Variants in ADH1B observed in about 807,000 individuals in gnomAD.
ADH1B encodes alcohol dehydrogenase 1B (class I), beta polypeptide.
In ADH1B, 29 loss-of-function variants were observed where a neutral mutation model predicts 34.6. The observed-to-expected ratio is 0.84, with a 90% CI of 0.62 to 1.14. The LOEUF is 1.14. Among genes scored for constraint, ADH1B ranks in the 50% most tolerant of loss-of-function variants. The probability of loss-of-function intolerance (pLI) is 0.00; values close to 1 mark genes in which losing one functional copy is unlikely to be tolerated. For missense variants in ADH1B, 424 were observed against 468.4 expected (o/e 0.91, Z 0.87); for synonymous variants, 170 against 175.5 (o/e 0.97, Z 0.25).
intron 3 of ADH1B, chr4:99,317,406 A>G (rs1733913704): frequency 6.6e-6 from 1 of 152,236 alleles, no homozygotes; most frequent in Non-Finnish European, 1.5e-5. Flanking sequence ...ATCTGTAACC[A>G]GTTGCATTTA....
intron 7 of ADH1B, 72 bp from the exon 8 acceptor site, chr4:99,310,975 A>G: frequency 6.4e-7 from 1 of 1,560,638 alleles, no homozygotes; most frequent in East Asian, 2.2e-5. Context: ...GATTTTCCAA[A>G]TAAATCAAAG....
rs1004626998 is a variant in ADH1B, at chr4:99,305,841, C to T, written c.*1999G>A. The T allele has an allele frequency of 6.6e-6, 1 of 151,648 alleles. No homozygotes were observed. Among genetic ancestry groups the T allele is most frequent in the Non-Finnish European group, 1.5e-5 (1 of 67,962 alleles). The allele number at this position is 151,648 out of a possible 1,614,324, so 9.4% of individuals were successfully genotyped here. A position where few individuals can be genotyped will look rare whatever the true frequency, so the allele number is the denominator to read the frequency against. ...GTGTCACTAGCAGGATTTGATGACC[C>T]TGCTGTGAGATGGGCATGTAGAACT... On this transcript the variant is annotated 3_prime_UTR_variant, in exon 9 of 9. Transcript: ENST00000305046.
In ADH1B at chr4:99,305,566, T is replaced by C. The variant is rs1247607762; in HGVS notation, c.*2274A>G. 19 of 19,716 alleles carry C rather than the reference T, an allele frequency of 9.6e-4. No individual in the cohort carries two copies. Among genetic ancestry groups the C allele is most frequent in the African/African-American group, 4.5e-3 (19 of 4,244 alleles). 1.2% of individuals were successfully genotyped at this position (19,716 alleles called of 1,614,324 possible). A position where few individuals can be genotyped will look rare whatever the true frequency, so the allele number is the denominator to read the frequency against. On this transcript the variant is annotated 3_prime_UTR_variant, in exon 9 of 9. Transcript: ENST00000305046. ...TGAACCACTTGCCCCATAGTGTATATATATATATATATATATATATATATA... is the reference window on the plus strand; with the variant it reads ...TGAACCACTTGCCCCATAGTGTATACATATATATATATATATATATATATA...
At position 99,318,827 on chromosome 4, in the gene ADH1B, A is replaced by G; in HGVS notation, c.78T>C (p.Asp26=). The change falls in exon 2 of 9, where the codon GAT becomes GAC. Residue 26 remains aspartate, a synonymous_variant. Transcript: ENST00000305046. ...AAGCCTTAGGAGGTGCAACCTCCAC[A>G]TCCTCAATGGAAAAGGGTTTCTTTA... ...WEVKKPFSIE[D]VEVAPPKAYE... 1 of 1,613,970 alleles carries G rather than the reference A, an allele frequency of 6.2e-7. No homozygotes were observed. The highest frequency in any genetic ancestry group is 8.5e-7 in the Non-Finnish European group (1 of 1,179,904).
chr4:99,305,461 C>G lies in ADH1B; in HGVS notation c.*2379G>C, dbSNP rs1579504758. 7.0e-6 allele frequency: 1 copy of G among 143,368 alleles called. No homozygotes were observed. The highest frequency in any genetic ancestry group is 7.2e-5 in the Admixed American group (1 of 13,866). 8.9% of individuals were successfully genotyped at this position (143,368 alleles called of 1,614,324 possible). ...CCTATGAAGGCACTTCTGTGGAATACTTGATTACAGACCCAGCCAATACTT... is the reference window on the plus strand; with the variant it reads ...CCTATGAAGGCACTTCTGTGGAATAGTTGATTACAGACCCAGCCAATACTT... On this transcript the variant is annotated 3_prime_UTR_variant, in exon 9 of 9. Transcript: ENST00000305046.
chr4:99,308,415 GAT>G (rs1416884135), intron 8 of ADH1B, among the ~76,000 whole-genome samples: 4 of 137,734 alleles, frequency 2.9e-5, no homozygotes, highest in African/African-American at 1.4e-4. Flanking sequence ...AAAATTATAA[GAT>G]GATGGATAAC....
rs1733597830 is a variant in ADH1B at position 99,305,748 on chromosome 4, A to G, written c.*2092T>C. On this transcript the variant is annotated 3_prime_UTR_variant, in exon 9 of 9. Transcript: ENST00000305046. The stretch of plus-strand genomic sequence containing the variant: ...ATGACAACACTGGCAGAGCCCACCT[A>G]ATGGCTCCCACTCTACCTGCTCCCC... 6.6e-6 allele frequency: 1 copy of G among 151,334 alleles called. No individual in the cohort carries two copies. Among genetic ancestry groups the G allele is most frequent in the Non-Finnish European group, 1.5e-5 (1 of 67,842 alleles). 9.4% of individuals were successfully genotyped at this position (151,334 alleles called of 1,614,324 possible). A position where few individuals can be genotyped will look rare whatever the true frequency, so the allele number is the denominator to read the frequency against.
In ADH1B at chr4:99,306,960, T is replaced by G. The variant is rs1387467737; in HGVS notation, c.*880A>C. On this transcript the variant is annotated 3_prime_UTR_variant, in exon 9 of 9. Coordinates refer to ENST00000305046, the MANE Select transcript of ADH1B (RefSeq NM_000668.6). ...TGCATTCACAGCATTTGCCATCCCA[T>G]CTCTACACTTAAAGCCACCATATTA... 6.6e-6 allele frequency: 1 copy of G among 152,110 alleles called. No individual in the cohort carries two copies. Among genetic ancestry groups the G allele is most frequent in the Non-Finnish European group, 1.5e-5 (1 of 68,004 alleles). 9.4% of individuals were successfully genotyped at this position (152,110 alleles called of 1,614,324 possible). A position where few individuals can be genotyped will look rare whatever the true frequency, so the allele number is the denominator to read the frequency against.
At chr4:99,311,086 A>G (rs560134808) in intron 7 of ADH1B, among the ~76,000 whole-genome samples, 183 bp from the exon 8 acceptor site, 2 of 152,352 alleles carry the variant, frequency 1.3e-5, no homozygotes, top group South Asian at 4.1e-4. Context: ...AAAAAATCAC[A>G]GATAAACGAA....
chr4:99,318,889 A>G lies in ADH1B; in HGVS notation c.19-3T>C. On this transcript the variant is annotated splice_polypyrimidine_tract_variant and splice_region_variant and intron_variant, in intron 1 of 8. Transcript: ENST00000305046. The stretch of plus-strand genomic sequence containing the variant: ...ACAGCTGCTTTGCATTTGATTACCT[A>G]GAAAATCAAACAGAGAGATGGTGAC... 1 of 1,612,454 alleles carries G rather than the reference A, an allele frequency of 6.2e-7. No homozygotes were observed. The highest frequency in any genetic ancestry group is 8.5e-7 in the Non-Finnish European group (1 of 1,178,526).
chr4:99,318,685 T>C (rs1333496244), intron 2 of ADH1B, 100 bp downstream of exon 2: 16 of 1,097,082 alleles, frequency 1.5e-5, no homozygotes, highest in African/African-American at 3.2e-5. Flanking sequence ...TGGGTGATCA[T>C]ATAAGATATG....
rs1335431604 is a variant in ADH1B, at chr4:99,305,151, T to C, written c.*2689A>G. On this transcript the variant is annotated 3_prime_UTR_variant, in exon 9 of 9. Coordinates refer to ENST00000305046, the MANE Select transcript of ADH1B (RefSeq NM_000668.6). ...ATTTTAGAAATATCTTTTTTTTTGG[T>C]CAATCATATATGACCCAAATCAATA... 1 of 151,930 alleles carries C rather than the reference T, an allele frequency of 6.6e-6. No individual in the cohort carries two copies. The highest frequency in any genetic ancestry group is 1.5e-5 in the Non-Finnish European group (1 of 67,996). 9.4% of individuals were successfully genotyped at this position (151,930 alleles called of 1,614,324 possible). A position where few individuals can be genotyped will look rare whatever the true frequency, so the allele number is the denominator to read the frequency against.
intron 1 of ADH1B, 114 bp from the exon 2 acceptor site, chr4:99,319,000 G>A (rs769068976): frequency 8.9e-7 from 1 of 1,122,788 alleles, no homozygotes; most frequent in African/African-American, 1.5e-5. Context: ...TACCTAACAA[G>A]TGCTCCATGG....
At chr4:99,315,494 G>A (rs1189781754) in intron 5 of ADH1B, 3 of 271,522 alleles carry the variant, frequency 1.1e-5, no homozygotes, top group African/African-American at 6.7e-5. Flanking sequence ...TGGGAGGAGA[G>A]GATCCACAGA....
rs753286056 is a variant in ADH1B, at chr4:99,316,198, G to C, written c.347+17C>G. On this transcript the variant is annotated intron_variant, in intron 4 of 8. Coordinates refer to ENST00000305046, the MANE Select transcript of ADH1B (RefSeq NM_000668.6). Reference sequence around the variant, plus strand: ...TGCAAACTCAAAGTCTGTGCAAAGAGAGCATCAGAAACCTACTCATTTTTC... The same window carrying C: ...TGCAAACTCAAAGTCTGTGCAAAGACAGCATCAGAAACCTACTCATTTTTC... 13 of 1,613,964 alleles carry C rather than the reference G, an allele frequency of 8.1e-6. No homozygotes were observed. In the South Asian group the frequency reaches 1.4e-4, roughly 18 times the overall value.
chr4:99,311,828 G>T (rs1733762202), intron 6 of ADH1B, among the ~76,000 whole-genome samples, 172 bp from the exon 7 acceptor site: 1 of 152,166 alleles, frequency 6.6e-6, no homozygotes, highest in African/African-American at 2.4e-5. Context: ...GTGGATTCAG[G>T]AAATGCCCAG....
Position 99,307,646 on chromosome 4 carries a change from A to T in ADH1B, c.*194T>A. On this transcript the variant is annotated 3_prime_UTR_variant, in exon 9 of 9. Coordinates refer to ENST00000305046, the MANE Select transcript of ADH1B (RefSeq NM_000668.6). ...CCAGCTGATGTTCAACACTTTATTT[A>T]CTTCTCACTTGAATTTTAAATTTTC... 1 of 712,064 alleles carries T rather than the reference A, an allele frequency of 1.4e-6. No individual in the cohort carries two copies. The highest frequency in any genetic ancestry group is 2.4e-6 in the Non-Finnish European group (1 of 420,266). 44.1% of individuals were successfully genotyped at this position (712,064 alleles called of 1,614,324 possible). A position where few individuals can be genotyped will look rare whatever the true frequency, so the allele number is the denominator to read the frequency against.
intron 8 of ADH1B, among the ~76,000 whole-genome samples, chr4:99,309,795 T>C (rs1437634974): frequency 1.3e-5 from 2 of 152,120 alleles, no homozygotes; most frequent in African/African-American, 4.8e-5. Flanking sequence ...TTCTCTAAGA[T>C]AGTGAGATTG....
chr4:99,311,475 T>A, intron 7 of ADH1B, 46 bp downstream of exon 7: 1 of 1,596,738 alleles, frequency 6.3e-7, no homozygotes, highest in Non-Finnish European at 8.6e-7. Context: ...ATTAATGAGA[T>A]ATATTGAGAT....
Sources: allele counts gnomAD v4.1 joint callset (sites outside exome capture counted in the v4.1 genomes callset), GRCh38; gene constraint gnomAD v4.1.1; transcripts MANE v1.5; gene names NCBI Gene and HGNC (gene_info 2026-07-23, HGNC 2026-07-21).